Variants in COL13A1 observed in about 807,000 individuals in gnomAD.
COL13A1 encodes the protein collagen type XIII alpha 1 chain, also known as collagen alpha-1(XIII) chain.
COL13A1 carries 89 observed loss-of-function variants against 130.9 expected under a neutral mutation model. That is an observed-to-expected ratio of 0.68 (90% CI 0.57 to 0.81). The LOEUF (loss-of-function observed/expected upper bound fraction) is 0.81. Ranked by LOEUF, COL13A1 falls within the 30% of genes least tolerant of loss-of-function variation. COL13A1 has a pLI of 0.00. For missense variants in COL13A1, 879 were observed against 934.6 expected, an observed-to-expected ratio of 0.94 and a Z score of 0.78; for synonymous variants, 402 against 341.6, an observed-to-expected ratio of 1.18 and a Z score of -1.95.
At chr10:69,911,303 C>G (rs1320040716) in intron 17 of COL13A1, among the ~76,000 whole-genome samples, 2 of 152,206 alleles carry the variant, frequency 1.3e-5, no homozygotes, top group African/African-American at 4.8e-5. Context: ...ATAACTCGTG[C>G]AATTGTAACT....
chr10:69,956,017 A>G (rs2070605846), intron 39 of COL13A1: 1 of 152,194 alleles, frequency 6.6e-6, no homozygotes, highest in Non-Finnish European at 1.5e-5. Flanking sequence ...ACGTCAGACC[A>G]GGGCAGCAGA....
At chr10:69,875,035 C>T in intron 4 of COL13A1, 93 bp from the exon 5 acceptor site, 1 of 1,527,478 alleles carries the variant, frequency 6.5e-7, no homozygotes, top group African/African-American at 1.4e-5. Context: ...GTTAGCTGTG[C>T]CCTAAATCAG....
chr10:69,876,806 C>A (rs755363189), intron 5 of COL13A1, among the ~76,000 whole-genome samples: 24 of 152,180 alleles, frequency 1.6e-4, no homozygotes, highest in Non-Finnish European at 3.1e-4. Flanking sequence ...GGGTTTTGTG[C>A]CCAAGCCAAC....
intron 17 of COL13A1, 92 bp from the exon 18 acceptor site, chr10:69,917,197 G>A: frequency 6.6e-7 from 1 of 1,520,138 alleles, no homozygotes; most frequent in Non-Finnish European, 9.0e-7. Context: ...AGCCATCCCA[G>A]CCTCCAGACA....
intron 29 of COL13A1, 99 bp from the exon 30 acceptor site, chr10:69,930,301 C>A: frequency 2.5e-6 from 3 of 1,215,072 alleles, no homozygotes; most frequent in Non-Finnish European, 2.3e-6. Flanking sequence ...CCCAGACAAG[C>A]ACCAAAGAGC....
At chr10:69,817,878 A>C (rs1845008898) in intron 1 of COL13A1, among the ~76,000 whole-genome samples, 3 of 152,124 alleles carry the variant, frequency 2.0e-5, no homozygotes, top group Admixed American at 2.0e-4. Flanking sequence ...AGAGTGTTGA[A>C]GCCTAGGCTG....
chr10:69,920,975 A>T (rs1295909987), intron 21 of COL13A1, among the ~76,000 whole-genome samples: 1 of 152,160 alleles, frequency 6.6e-6, no homozygotes, highest in Non-Finnish European at 1.5e-5. Flanking sequence ...ATGGGGGAAA[A>T]AGAGTTCTTC....
intron 2 of COL13A1, among the ~76,000 whole-genome samples, chr10:69,861,557 G>A (rs1053042644): frequency 2.6e-5 from 4 of 152,070 alleles, no homozygotes; most frequent in East Asian, 1.9e-4. Flanking sequence ...CTCCACCTCC[G>A]TCTCTGCCAC....
rs80201364 is a variant in COL13A1, at chr10:69,855,870, A to G, written c.365-11928A>G. 6.1e-3 allele frequency among the ~76,000 whole-genome samples: 904 copies of G among 148,824 alleles called. 3 individuals carry two copies. The highest frequency in any genetic ancestry group is 0.017 in the Middle Eastern group (5 of 288). On this transcript the variant is annotated intron_variant, in intron 2 of 40. Coordinates refer to ENST00000645393, the MANE Select transcript of COL13A1 (RefSeq NM_001368882.1). ...CTCTTGGTCAAACTAACTCTCACGTACAAGTTCAATGTCCAAACACTGTTA... is the reference window on the plus strand; with the variant it reads ...CTCTTGGTCAAACTAACTCTCACGTGCAAGTTCAATGTCCAAACACTGTTA...
At chr10:69,806,331 C>T (rs966903815) in intron 1 of COL13A1, among the ~76,000 whole-genome samples, 1 of 152,066 alleles carries the variant, frequency 6.6e-6, no homozygotes, top group African/African-American at 2.4e-5. Context: ...GCAGAGACTG[C>T]GTGTATGAGG....
Position 69,859,357 on chromosome 10 carries a change from G to A in COL13A1, c.365-8441G>A, listed in dbSNP as rs577417545. On this transcript the variant is annotated intron_variant, in intron 2 of 40. Transcript: ENST00000645393. ...CAGAGATACAGGCCTGGTTGTCAAA[G>A]CAAGACCTATGAAGCCTGCAGCCCC... Among the ~76,000 whole-genome samples the A allele has an allele frequency of 3.3e-5, 5 of 152,348 alleles. No homozygotes were observed. The East Asian group carries it at 7.7e-4, about 24-fold the overall frequency.
At chr10:69,932,387 A>G (rs939554721) in intron 30 of COL13A1, among the ~76,000 whole-genome samples, 173 bp from the exon 31 acceptor site, 1 of 152,096 alleles carries the variant, frequency 6.6e-6, no homozygotes, top group Non-Finnish European at 1.5e-5. Flanking sequence ...CCTCCCCTGT[A>G]CTAGAGCCTC....
intron 38 of COL13A1, among the ~76,000 whole-genome samples, chr10:69,951,893 G>A (rs558491715): frequency 1.3e-5 from 2 of 152,158 alleles, no homozygotes; most frequent in East Asian, 1.9e-4. Context: ...GAGCTCCCAG[G>A]AAGACTCCCT....
chr10:69,940,196 T>C (rs973576815), intron 34 of COL13A1, among the ~76,000 whole-genome samples: 1 of 142,666 alleles, frequency 7.0e-6, no homozygotes, highest in Admixed American at 7.4e-5. Context: ...AGGGTGCTGA[T>C]AGCAGGTTGG....
chr10:69,838,363 C>G (rs1850658320), intron 2 of COL13A1, among the ~76,000 whole-genome samples: 1 of 152,226 alleles, frequency 6.6e-6, no homozygotes, highest in Admixed American at 6.5e-5. Flanking sequence ...TTCTGGGATC[C>G]AACTGTGTTA....
chr10:69,856,961 C>T (rs1856604803), intron 2 of COL13A1, among the ~76,000 whole-genome samples: 1 of 151,854 alleles, frequency 6.6e-6, no homozygotes, highest in Non-Finnish European at 1.5e-5. Context: ...ATTTCCACCT[C>T]GCCCACACAA....
chr10:69,845,483 G>A (rs1220813271), intron 2 of COL13A1, among the ~76,000 whole-genome samples: 3 of 151,992 alleles, frequency 2.0e-5, no homozygotes, highest in East Asian at 1.9e-4. Context: ...GTGAGCCACC[G>A]CACCAGCCCT....
intron 13 of COL13A1, among the ~76,000 whole-genome samples, chr10:69,895,845 G>A (rs561611319): frequency 6.6e-6 from 1 of 152,142 alleles, no homozygotes; most frequent in Non-Finnish European, 1.5e-5. Flanking sequence ...TTGTACGTAC[G>A]TCTGACTCGG....
rs548854978 is a variant in COL13A1, at chr10:69,814,190, G to A, written c.295-8179G>A. ...GTGCTGGCACAGGGGCCGGAGCTTC[G>A]TCTGCTGTGGTCATTCCAGTGGGCA... On this transcript the variant is annotated intron_variant, in intron 1 of 40. Coordinates refer to ENST00000645393, the MANE Select transcript of COL13A1 (RefSeq NM_001368882.1). Among the ~76,000 whole-genome samples, 387 of 152,326 alleles carry A rather than the reference G, an allele frequency of 2.5e-3. 2 individuals are homozygous for A. The highest frequency in any genetic ancestry group is 8.9e-3 in the African/African-American group (372 of 41,578).
Sources: allele counts gnomAD v4.1 joint callset (sites outside exome capture counted in the v4.1 genomes callset), GRCh38; gene constraint gnomAD v4.1.1; transcripts MANE v1.5; gene names NCBI Gene and HGNC (gene_info 2026-07-23, HGNC 2026-07-21).